CDKAL1: variants seen among roughly 807,000 people sequenced by gnomAD.
The protein encoded by CDKAL1 is threonylcarbamoyladenosine tRNA methylthiotransferase.
In CDKAL1, 32 loss-of-function variants were observed where a neutral mutation model predicts 68.2. That is an observed-to-expected ratio of 0.47 (90% CI 0.35 to 0.63). The LOEUF (loss-of-function observed/expected upper bound fraction) is 0.63, where lower values mean the gene tolerates loss of function less well. CDKAL1 is among the 30% of genes least tolerant of loss of function. The probability of loss-of-function intolerance (pLI) is 0.00; values close to 1 mark genes in which losing one functional copy is unlikely to be tolerated. For missense variants in CDKAL1, 606 were observed against 696.7 expected (o/e 0.87, Z 1.47); for synonymous variants, 234 against 244.3 (o/e 0.96, Z 0.39).
At chr6:20,810,445 C>CAT (rs1259567599) in intron 8 of CDKAL1, among the ~76,000 whole-genome samples, 22 of 126,854 alleles carry the variant, frequency 1.7e-4, no homozygotes, top group Non-Finnish European at 3.3e-4. Flanking sequence ...CACACACACA[C>CAT]GTGGTGTCAT....
chr6:20,670,651 TATTCAATTATTTATGTCAG>T (rs1443048017), intron 5 of CDKAL1, among the ~76,000 whole-genome samples: 1 of 152,244 alleles, frequency 6.6e-6, no homozygotes, highest in Non-Finnish European at 1.5e-5. Flanking sequence ...ATTCCCCATT[TATTCAATTATTTATGTCAG>T]TGTAGACTCT....
chr6:20,688,567 C>T (rs183091061), intron 5 of CDKAL1, among the ~76,000 whole-genome samples: 48 of 152,142 alleles, frequency 3.2e-4, no homozygotes, highest in African/African-American at 9.9e-4. Flanking sequence ...TCTTCATTTC[C>T]GTTAGTGTTT....
At chr6:20,606,915 T>C (rs1316333557) in intron 4 of CDKAL1, among the ~76,000 whole-genome samples, 1 of 152,220 alleles carries the variant, frequency 6.6e-6, no homozygotes. Flanking sequence ...GGTTTACATA[T>C]GTTATCTCAT....
chr6:20,727,820 A>T (rs1407138714), intron 5 of CDKAL1, among the ~76,000 whole-genome samples: 1 of 152,136 alleles, frequency 6.6e-6, no homozygotes, highest in African/African-American at 2.4e-5. Context: ...TTTTGAGGTG[A>T]CTGATAATAC....
intron 13 of CDKAL1, among the ~76,000 whole-genome samples, chr6:21,148,712 G>A (rs1293650990): frequency 6.6e-6 from 1 of 151,996 alleles, no homozygotes; most frequent in East Asian, 1.9e-4. Context: ...AAGTTTTAAA[G>A]CATCTGTAAT....
intron 15 of CDKAL1, among the ~76,000 whole-genome samples, chr6:21,212,937 C>G (rs1779211237): frequency 1.3e-5 from 2 of 152,150 alleles, no homozygotes; most frequent in African/African-American, 4.8e-5. Flanking sequence ...TAAGATGTAG[C>G]ACCTTGCAAA....
chr6:21,113,951 GAAAA>G (rs1312939013), intron 13 of CDKAL1, among the ~76,000 whole-genome samples: 3 of 141,464 alleles, frequency 2.1e-5, no homozygotes, highest in African/African-American at 7.8e-5. Context: ...AAAAGAAAAA[GAAAA>G]AAAAAAGCTC....
intron 4 of CDKAL1, among the ~76,000 whole-genome samples, chr6:20,572,715 A>G (rs1764753392): frequency 6.6e-6 from 1 of 152,094 alleles, no homozygotes. Context: ...GTCTCTGCAT[A>G]TTTTAAGCAA....
intron 9 of CDKAL1, among the ~76,000 whole-genome samples, chr6:20,857,797 C>T (rs769986967): frequency 2.5e-4 from 38 of 152,300 alleles, no homozygotes; most frequent in Non-Finnish European, 5.1e-4. Flanking sequence ...CCAGTTTTCT[C>T]TCTGTGATAG....
intron 13 of CDKAL1, among the ~76,000 whole-genome samples, chr6:21,190,970 A>G (rs1778213082): frequency 1.3e-5 from 2 of 152,252 alleles, no homozygotes; most frequent in African/African-American, 4.8e-5. Flanking sequence ...AAAAAAAGTT[A>G]TAAAGAGAAG....
intron 4 of CDKAL1, among the ~76,000 whole-genome samples, chr6:20,610,941 C>G (rs1169265094): frequency 3.9e-5 from 6 of 152,244 alleles, no homozygotes; most frequent in East Asian, 1.9e-4. Flanking sequence ...TCCTGAATAG[C>G]TTGGACTACA....
intron 6 of CDKAL1, among the ~76,000 whole-genome samples, chr6:20,758,059 C>A (rs1424702000): frequency 6.7e-6 from 1 of 150,082 alleles, no homozygotes; most frequent in Admixed American, 6.7e-5. Context: ...TCCTTAGTCT[C>A]TGGTGTATAG....
At position 21,227,558 on chromosome 6, in the gene CDKAL1, G is replaced by A. The variant is rs968071341; in HGVS notation, c.1549-3290G>A. On this transcript the variant is annotated intron_variant, in intron 15 of 15. Coordinates refer to ENST00000274695, the MANE Select transcript of CDKAL1 (RefSeq NM_017774.3). ...GGATGCATTTACCCTCTCCTGCTCC[G>A]CGGTCACGCTCCCGCCTTGATCCTC... Among the ~76,000 whole-genome samples the A allele has an allele frequency of 2.6e-5, 4 of 152,230 alleles. No homozygotes were observed. The South Asian group carries it at 6.2e-4, about 24-fold the overall frequency.
intron 3 of CDKAL1, among the ~76,000 whole-genome samples, chr6:20,548,348 T>C (rs1763684444): frequency 6.6e-6 from 1 of 152,006 alleles, no homozygotes; most frequent in Non-Finnish European, 1.5e-5. Context: ...GCCTGGACAG[T>C]ATAGTGGGCC....
chr6:21,047,686 G>A (rs1013458235), intron 11 of CDKAL1, among the ~76,000 whole-genome samples: 2 of 152,086 alleles, frequency 1.3e-5, no homozygotes, highest in African/African-American at 4.8e-5. Context: ...TTTATTAGGA[G>A]GCATAAGGCA....
At chr6:20,716,670 T>C (rs1772110988) in intron 5 of CDKAL1, among the ~76,000 whole-genome samples, 1 of 151,778 alleles carries the variant, frequency 6.6e-6, no homozygotes, top group Admixed American at 6.6e-5. Context: ...TTTCTGTTTG[T>C]TTTGTTTGGG....
chr6:20,748,555 G>GGAAAAAAAAAAAAAAAAAAAAAAAAAA (rs1773766913), intron 6 of CDKAL1, among the ~76,000 whole-genome samples: 1 of 28,742 alleles, frequency 3.5e-5, no homozygotes, highest in African/African-American at 1.2e-4. Context: ...TCTGTTTCTG[G>GGAAAAAAAAAAAAAAAAAAAAAAAAAA]AAAAAAAAAA....
chr6:21,231,562 G>A lies in CDKAL1; in HGVS notation c.*523G>A, dbSNP rs1779976696. On this transcript the variant is annotated 3_prime_UTR_variant, in exon 16 of 16. Transcript: ENST00000274695. ...CTGCCTCAGCCTCCCAAGTAGCTGGGATTACAGGCATGCGCCACCAAGCCC... is the reference window on the plus strand; with the variant it reads ...CTGCCTCAGCCTCCCAAGTAGCTGGAATTACAGGCATGCGCCACCAAGCCC... The A allele has an allele frequency of 6.6e-6, 1 of 152,350 alleles. No individual in the cohort carries two copies. The highest frequency in any genetic ancestry group is 1.5e-5 in the Non-Finnish European group (1 of 68,200). The allele number at this position is 152,350 out of a possible 1,614,324, so 9.4% of individuals were successfully genotyped here.
In CDKAL1 at chr6:21,033,188, G is replaced by A. The variant is rs549604156; in HGVS notation, c.1056-31860G>A. On this transcript the variant is annotated intron_variant, in intron 11 of 15. Coordinates refer to ENST00000274695, the MANE Select transcript of CDKAL1 (RefSeq NM_017774.3). ...AGGGACTTAGAAGTTATGCCTGTTT[G>A]TTTGTACTTGGGGTAGCAAATAAAT... Among the ~76,000 whole-genome samples the A allele has an allele frequency of 3.3e-5, 5 of 152,268 alleles. No homozygotes were observed. In the South Asian group the frequency reaches 1.0e-3, roughly 32 times the overall value.
Sources: allele counts gnomAD v4.1 joint callset (sites outside exome capture counted in the v4.1 genomes callset), GRCh38; gene constraint gnomAD v4.1.1; transcripts MANE v1.5; gene names NCBI Gene and HGNC (gene_info 2026-07-23, HGNC 2026-07-21).